MDM4: variants seen among roughly 807,000 people sequenced by gnomAD.
The protein encoded by MDM4 is protein Mdm4.
In MDM4, 2 loss-of-function variants were observed where a neutral mutation model predicts 60.2. The observed-to-expected ratio is 0.03, with a 90% confidence interval of 0.01 to 0.10. MDM4 has a LOEUF of 0.10. MDM4 is among the 10% of genes least tolerant of loss of function. The pLI, the probability that MDM4 is intolerant of heterozygous loss-of-function variation, is 1.00. For missense variants in MDM4, 447 were observed against 577.5 expected, an observed-to-expected ratio of 0.77 and a Z score of 2.32; for synonymous variants, 202 against 198.1, an observed-to-expected ratio of 1.02 and a Z score of -0.17.
rs4951396 is a variant in MDM4 at position 204,551,081 on chromosome 1, C to A, written c.*1399C>A. The A allele has an allele frequency of 5.3e-6, 1 of 188,580 alleles. No individual in the cohort carries two copies. The allele number at this position is 188,580 out of a possible 1,614,324, so 11.7% of individuals were successfully genotyped here. A position where few individuals can be genotyped will look rare whatever the true frequency, so the allele number is the denominator to read the frequency against. ...TTTTTGAGACAGGGTCTTGCTCTGT[C>A]GCCCAGGCTGGAGTGCACTGGCACA... On this transcript the variant is annotated 3_prime_UTR_variant, in exon 11 of 11. Transcript: ENST00000367182.
At position 204,526,387 on chromosome 1, in the gene MDM4, A is replaced by G. The variant is rs983496580; in HGVS notation, c.106A>G (p.Ile36Val). The G allele has an allele frequency of 6.2e-7, 1 of 1,613,742 alleles. No individual in the cohort carries two copies. The highest frequency in any genetic ancestry group is 8.5e-7 in the Non-Finnish European group (1 of 1,179,904). Residue 36 changes from isoleucine to valine, a missense_variant, in exon 3 of 11, where the codon ATT (isoleucine) becomes GTT (valine). Transcript: ENST00000367182. ...ACGACCAAAACTGCCGCTTTTGAAGATTTTGCATGCAGCAGGTGCGCAAGG... is the reference window on the plus strand; with the variant it reads ...ACGACCAAAACTGCCGCTTTTGAAGGTTTTGCATGCAGCAGGTGCGCAAGG... ...QVRPKLPLLK[I>V]LHAAGAQGEM...
chr1:204,555,269 C>T lies in MDM4; in HGVS notation c.*5587C>T, dbSNP rs1468615018. ...TCCCGGGTTCACCCCATTCTCCTGC[C>T]TCAGCCTCCCTAGTAGCTGGGACTA... On this transcript the variant is annotated 3_prime_UTR_variant, in exon 11 of 11. Coordinates refer to ENST00000367182, the MANE Select transcript of MDM4 (RefSeq NM_002393.5). 5.9e-6 allele frequency: 1 copy of T among 170,770 alleles called. No individual in the cohort carries two copies. Among genetic ancestry groups the T allele is most frequent in the Non-Finnish European group, 1.3e-5 (1 of 78,902 alleles). 10.6% of individuals were successfully genotyped at this position (170,770 alleles called of 1,614,324 possible).
At chr1:204,540,071 G>A (rs1014787751) in intron 7 of MDM4, among the ~76,000 whole-genome samples, 10 of 151,580 alleles carry the variant, frequency 6.6e-5, no homozygotes, top group Non-Finnish European at 8.8e-5. Context: ...CACGAGGTCA[G>A]GAGATTGAGA....
chr1:204,538,285 A>T lies in MDM4; in HGVS notation c.488A>T (p.His163Leu), dbSNP rs763865861. Residue 163 changes from histidine to leucine, a missense_variant, in exon 7 of 11, where the codon CAT becomes CTT. By Grantham distance (99) the His-to-Leu change is moderately conservative. Around this residue, in one of 8 missense-constraint regions of MDM4, gnomAD observed 184 missense variants for 179.3 expected, o/e 1.03. Transcript: ENST00000367182. The part of the protein sequence containing the change: ...DDIPTLPTSE[H>L]KCIHSREDED... The stretch of plus-strand genomic sequence containing the variant: ...ATCCCCACACTGCCTACCTCAGAGC[A>T]TAAATGCATACATTCTAGAGAAGGT... The T allele has an allele frequency of 1.1e-5, 18 of 1,594,834 alleles. No homozygotes were observed. The highest frequency in any genetic ancestry group is 1.5e-5 in the Non-Finnish European group (18 of 1,162,462).
At position 204,550,227 on chromosome 1, in the gene MDM4, G is replaced by C; in HGVS notation, c.*545G>C. 4.3e-6 allele frequency: 1 copy of C among 231,710 alleles called. No homozygotes were observed. Among genetic ancestry groups the C allele is most frequent in the Non-Finnish European group, 8.5e-6 (1 of 117,660 alleles). 14.4% of individuals were successfully genotyped at this position (231,710 alleles called of 1,614,324 possible). The stretch of plus-strand genomic sequence containing the variant: ...TCTGTCTCCCAGGCTGAAGTGCAGT[G>C]CAGTGGTATGATCATGGCTCACTGC... On this transcript the variant is annotated 3_prime_UTR_variant, in exon 11 of 11. Transcript: ENST00000367182.
intron 5 of MDM4, among the ~76,000 whole-genome samples, chr1:204,535,990 G>A (rs1419369041): frequency 3.3e-5 from 5 of 152,006 alleles, no homozygotes; most frequent in African/African-American, 1.2e-4. Context: ...TGGCCTGTGC[G>A]GTGGCTCATG....
At position 204,554,103 on chromosome 1, in the gene MDM4, TTGTG is replaced by T. The variant is rs1663400779; in HGVS notation, c.*4427_*4430del. On this transcript the variant is annotated 3_prime_UTR_variant, in exon 11 of 11. Coordinates refer to ENST00000367182, the MANE Select transcript of MDM4 (RefSeq NM_002393.5). Reference sequence around the variant, plus strand: ...AAGGGTCAAGGTCATTTGTAACATTTTGTGTGTGTCAATTCAATGCAATGTTGGC... The same window carrying T: ...AAGGGTCAAGGTCATTTGTAACATTTTGTGTCAATTCAATGCAATGTTGGC... The T allele has an allele frequency of 2.2e-5, 5 of 229,414 alleles. No individual in the cohort carries two copies. The East Asian group carries it at 3.1e-4, about 14-fold the overall frequency. The allele number at this position is 229,414 out of a possible 1,614,324, so 14.2% of individuals were successfully genotyped here. A position where few individuals can be genotyped will look rare whatever the true frequency, so the allele number is the denominator to read the frequency against.
chr1:204,543,468 G>C (rs1662339674), intron 8 of MDM4, among the ~76,000 whole-genome samples: 1 of 152,128 alleles, frequency 6.6e-6, no homozygotes, highest in Admixed American at 6.5e-5. Context: ...GATATACTAG[G>C]CTCCTTTCTG....
intron 4 of MDM4, 29 bp from the exon 5 acceptor site, chr1:204,532,162 G>A (rs1660920629): frequency 1.4e-6 from 2 of 1,449,442 alleles, no homozygotes; most frequent in Non-Finnish European, 1.9e-6. Context: ...ATTTGGGGTT[G>A]TTAATTTTTT....
At chr1:204,525,999 A>G (rs1275680622) in intron 2 of MDM4, among the ~76,000 whole-genome samples, 1 of 152,134 alleles carries the variant, frequency 6.6e-6, no homozygotes, top group Non-Finnish European at 1.5e-5. Flanking sequence ...TCATGCCTAT[A>G]ATCCCAGCAC....
At chr1:204,538,604 C>T (rs1488583450) in intron 7 of MDM4, among the ~76,000 whole-genome samples, 1 of 152,110 alleles carries the variant, frequency 6.6e-6, no homozygotes, top group Admixed American at 6.6e-5. Flanking sequence ...TACATGAATT[C>T]AGCTGCCTTA....
At position 204,537,916 on chromosome 1, in the gene MDM4, G is replaced by A. The variant is rs754212560; in HGVS notation, c.412-293G>A. ...GGGTTTCATATGTTTTCTGAATTAT[G>A]CCTAATTTTGTAGTAGACTGGAGGG... is the stretch of plus-strand genomic sequence containing the variant. On this transcript the variant is annotated intron_variant, in intron 6 of 10. Transcript: ENST00000367182. The A allele has an allele frequency of 5.3e-5, 37 of 694,614 alleles. No homozygotes were observed. In the Admixed American group the frequency reaches 6.5e-4, roughly 12 times the overall value. 43.0% of individuals were successfully genotyped at this position (694,614 alleles called of 1,614,324 possible).
rs574452557 is a variant in MDM4, at chr1:204,557,591, A to G, written c.*7909A>G. ...CTAATTTTGTATTTTTAGTAGAGAC[A>G]GGGTTTCACCATGTTGGCCAGGCTG... On this transcript the variant is annotated 3_prime_UTR_variant, in exon 11 of 11. Transcript: ENST00000367182. The G allele has an allele frequency of 4.2e-4, 72 of 172,056 alleles. No homozygotes were observed. The highest frequency in any genetic ancestry group is 1.6e-3 in the African/African-American group (69 of 42,086). The allele number at this position is 172,056 out of a possible 1,614,324, so 10.7% of individuals were successfully genotyped here.
At chr1:204,544,496 T>A (rs1487480820) in intron 8 of MDM4, 39 bp from the exon 9 acceptor site, 1 of 1,581,610 alleles carries the variant, frequency 6.3e-7, no homozygotes, top group Non-Finnish European at 8.6e-7. Flanking sequence ...CTGATAAACC[T>A]CTGAATACAG....
rs1396488801 is a variant in MDM4 at position 204,532,538 on chromosome 1, A to G, written c.343+292A>G. ...CAGATAAGGACTTTTTTCTCCAAAC[A>G]TTCAATATCATTATTACACATAACA... is the stretch of plus-strand genomic sequence containing the variant. On this transcript the variant is annotated intron_variant, in intron 5 of 10. Coordinates refer to ENST00000367182, the MANE Select transcript of MDM4 (RefSeq NM_002393.5). 1.4e-5 allele frequency: 8 copies of G among 556,822 alleles called. No individual in the cohort carries two copies. In the Admixed American group the frequency reaches 2.9e-4, roughly 20 times the overall value. 34.5% of individuals were successfully genotyped at this position (556,822 alleles called of 1,614,324 possible).
At position 204,538,947 on chromosome 1, in the gene MDM4, G is replaced by A. The variant is rs371225721; in HGVS notation, c.511+639G>A. Among the ~76,000 whole-genome samples the A allele has an allele frequency of 8.2e-4, 116 of 141,376 alleles. 1 individual carries two copies. The highest frequency in any genetic ancestry group is 2.7e-3 in the African/African-American group (104 of 38,692). 92.7% of individuals were successfully genotyped at this position (141,376 alleles called of 152,430 possible). ...TGCAATGGTGTGATCTCAGCTCACC[G>A]CAGCCTCCGCCTCCCAGGTTCAAGC... is the stretch of plus-strand genomic sequence containing the variant. On this transcript the variant is annotated intron_variant, in intron 7 of 10. Transcript: ENST00000367182.
chr1:204,533,788 T>C (rs1269509778), intron 5 of MDM4, among the ~76,000 whole-genome samples: 5 of 151,150 alleles, frequency 3.3e-5, no homozygotes, highest in Non-Finnish European at 5.9e-5. Flanking sequence ...TTTTCTTTTT[T>C]TTTTTTTTTA....
chr1:204,534,297 G>C (rs2102372759), intron 5 of MDM4, among the ~76,000 whole-genome samples: 1 of 152,262 alleles, frequency 6.6e-6, no homozygotes, highest in Middle Eastern at 3.4e-3. Flanking sequence ...AAAATAGCAT[G>C]GCTTTCCTGC....
rs776550793 is a variant in MDM4, at chr1:204,538,248, A to G, written c.451A>G (p.Thr151Ala). The G allele has an allele frequency of 1.2e-6, 2 of 1,611,986 alleles. No homozygotes were observed. The highest frequency in any genetic ancestry group is 1.7e-6 in the Non-Finnish European group (2 of 1,178,028). ...AAGTTCCACTTCCAGAAAAAGAACT[A>G]CAGAAGACGATATCCCCACACTGCC... ...EESSTSRKRTTEDDIPTLPTS... is the reference protein window; with the variant it reads ...EESSTSRKRTAEDDIPTLPTS... The change falls in exon 7 of 11, where the codon ACA becomes GCA. Residue 151 changes from threonine to alanine, a missense_variant. By Grantham distance (58) the Thr-to-Ala change is moderately conservative (BLOSUM62 0). Coordinates refer to ENST00000367182, the MANE Select transcript of MDM4 (RefSeq NM_002393.5).
Sources: gnomAD v4.1 joint callset for allele counts (sites outside exome capture counted in the v4.1 genomes callset) on GRCh38, gnomAD v4.1.1 for gene constraint, gnomAD v4.1.1 regional missense constraint, MANE v1.5 for transcripts, NCBI Gene and HGNC (gene_info 2026-07-23, HGNC 2026-07-21) for gene names.